GRM7: variants seen among roughly 807,000 people sequenced by gnomAD.
The protein encoded by GRM7 is glutamate metabotropic receptor 7.
In GRM7, 35 loss-of-function variants were observed where a neutral mutation model predicts 84.5. That is an observed-to-expected ratio of 0.41 (90% CI 0.32 to 0.55). The LOEUF (loss-of-function observed/expected upper bound fraction) is 0.55. Ranked by LOEUF, GRM7 falls within the 20% of genes least tolerant of loss-of-function variation. The pLI is 0.19. For missense variants in GRM7, 1,003 were observed against 1,194.6 expected, an observed-to-expected ratio of 0.84 and a Z score of 2.36; for synonymous variants, 487 against 455.1, an observed-to-expected ratio of 1.07 and a Z score of -0.89.
Position 6,861,663 on chromosome 3 carries a change from A to T in GRM7, c.275A>T (p.Asp92Val). ...TACGCCCTGGACCAGATCAACAGTG[A>T]TCCCAACCTACTGCCCAACGTGACG... is the stretch of plus-strand genomic sequence containing the variant. ...MLYALDQINS[D>V]PNLLPNVTLG... The change falls in exon 1 of 10, where the codon GAT becomes GTT. Residue 92 changes from aspartate to valine, a missense_variant. Around this residue, in one of 2 missense-constraint regions of GRM7, gnomAD observed 910 missense variants for 1,126.0 expected, o/e 0.81. Coordinates refer to ENST00000357716, the MANE Select transcript of GRM7 (RefSeq NM_000844.4). The surrounding 1 kb of genome is among the most constrained non-coding windows in gnomAD (Gnocchi z 6.4). 6.2e-7 allele frequency: 1 copy of T among 1,613,992 alleles called. No homozygotes were observed. Among genetic ancestry groups the T allele is most frequent in the Non-Finnish European group, 8.5e-7 (1 of 1,179,980 alleles).
intron 1 of GRM7, among the ~76,000 whole-genome samples, chr3:7,143,011 T>C (rs1693999314): frequency 6.6e-6 from 1 of 152,178 alleles, no homozygotes; most frequent in Non-Finnish European, 1.5e-5. Context: ...ATGGAATCTC[T>C]CTTTTTATAT....
At chr3:7,439,564 C>G (rs1261508613) in intron 5 of GRM7, among the ~76,000 whole-genome samples, 1 of 152,102 alleles carries the variant, frequency 6.6e-6, no homozygotes, top group African/African-American at 2.4e-5. Flanking sequence ...TGGTAAAATC[C>G]CAGACCCTTC....
chr3:7,696,142 C>T (rs1701007587), intron 9 of GRM7, among the ~76,000 whole-genome samples: 1 of 152,074 alleles, frequency 6.6e-6, no homozygotes, highest in East Asian at 1.9e-4. Context: ...CTTAATACTC[C>T]CCATTGCTTA....
At chr3:7,094,367 T>C (rs1698779263) in intron 1 of GRM7, among the ~76,000 whole-genome samples, 1 of 152,226 alleles carries the variant, frequency 6.6e-6, no homozygotes, top group Admixed American at 6.5e-5. Flanking sequence ...ACAATATCAT[T>C]TCACATGGGA....
At chr3:7,382,677 G>GA (rs1195462127) in intron 4 of GRM7, among the ~76,000 whole-genome samples, 4 of 152,046 alleles carry the variant, frequency 2.6e-5, no homozygotes, top group African/African-American at 9.7e-5. Context: ...GGATTGAAAG[G>GA]AAAAAAATAA....
chr3:7,680,022 T>C (rs777454895), intron 8 of GRM7, 27 bp from the exon 9 acceptor site: 6 of 1,611,722 alleles, frequency 3.7e-6, no homozygotes, highest in African/African-American at 2.7e-5. Context: ...TTATTTGTAA[T>C]AGTGCCTTGT....
chr3:7,077,621 A>G (rs1223646385), intron 1 of GRM7, among the ~76,000 whole-genome samples: 2 of 152,130 alleles, frequency 1.3e-5, no homozygotes, highest in Non-Finnish European at 2.9e-5. Context: ...TACCTAGTGT[A>G]GATGATGGGT....
chr3:7,281,328 T>C (rs1225813070), intron 2 of GRM7, among the ~76,000 whole-genome samples: 2 of 152,190 alleles, frequency 1.3e-5, no homozygotes, highest in African/African-American at 2.4e-5. Flanking sequence ...TGTGATTACA[T>C]TGAGAATATT....
intron 1 of GRM7, among the ~76,000 whole-genome samples, chr3:6,951,696 G>A (rs972092223): frequency 1.3e-5 from 2 of 152,126 alleles, no homozygotes; most frequent in Admixed American, 1.3e-4. Context: ...CTTGGTAAAT[G>A]TTCCAAGTCC....
chr3:7,562,802 CAGTACACT>C (rs1427013080), intron 7 of GRM7, among the ~76,000 whole-genome samples: 9 of 152,210 alleles, frequency 5.9e-5, no homozygotes, highest in South Asian at 2.1e-4. Flanking sequence ...TCAAAGTCTT[CAGTACACT>C]AATACGCATC....
chr3:6,939,435 TAA>T (rs151251266), intron 1 of GRM7, among the ~76,000 whole-genome samples: 40 of 146,938 alleles, frequency 2.7e-4, no homozygotes, highest in African/African-American at 9.7e-4. Context: ...AAATCTGGAT[TAA>T]AAAAAAAAAA....
At chr3:7,438,432 C>A (rs1189303271) in intron 5 of GRM7, among the ~76,000 whole-genome samples, 1 of 151,878 alleles carries the variant, frequency 6.6e-6, no homozygotes, top group Non-Finnish European at 1.5e-5. Context: ...AGAATCCAAG[C>A]AGAAATGATG....
At chr3:7,566,802 G>C (rs537097209) in intron 7 of GRM7, among the ~76,000 whole-genome samples, 2 of 152,086 alleles carry the variant, frequency 1.3e-5, no homozygotes, top group African/African-American at 4.8e-5. Context: ...TCTTCCAGGG[G>C]GAAAAAAAAA....
At chr3:7,248,136 T>C (rs1387737014) in intron 2 of GRM7, among the ~76,000 whole-genome samples, 1 of 152,208 alleles carries the variant, frequency 6.6e-6, no homozygotes, top group Non-Finnish European at 1.5e-5. Flanking sequence ...TTTAAAATAA[T>C]GAAAGCATGT....
chr3:7,643,678 G>T (rs752376326), intron 8 of GRM7, among the ~76,000 whole-genome samples: 147 of 151,916 alleles, frequency 9.7e-4, no homozygotes, highest in Non-Finnish European at 1.9e-3. Flanking sequence ...GTGTGGCAGG[G>T]GTCAGAGACA....
At chr3:7,070,461 T>G (rs1308306776) in intron 1 of GRM7, among the ~76,000 whole-genome samples, 4 of 152,128 alleles carry the variant, frequency 2.6e-5, no homozygotes, top group Non-Finnish European at 5.9e-5. Context: ...CCTAATAAAC[T>G]TATTTTTATT....
intron 5 of GRM7, among the ~76,000 whole-genome samples, chr3:7,443,933 C>G (rs945204196): frequency 5.9e-5 from 9 of 152,138 alleles, no homozygotes; most frequent in Admixed American, 2.0e-4. Context: ...GTATGCAATG[C>G]CATTTTCCAA....
At chr3:7,408,848 A>C (rs1410534445) in intron 4 of GRM7, among the ~76,000 whole-genome samples, 1 of 152,222 alleles carries the variant, frequency 6.6e-6, no homozygotes, top group African/African-American at 2.4e-5. Context: ...GAATCCATGC[A>C]GTGCTTCCTC....
chr3:7,293,143 A>G (rs777347485), intron 2 of GRM7, among the ~76,000 whole-genome samples: 2 of 152,086 alleles, frequency 1.3e-5, no homozygotes, highest in Non-Finnish European at 2.9e-5. Context: ...TGCATTGTGT[A>G]TCAGCTCTCT....
Sources: allele counts gnomAD v4.1 joint callset (sites outside exome capture counted in the v4.1 genomes callset), GRCh38; gene constraint gnomAD v4.1.1; regional missense constraint gnomAD v4.1.1; non-coding constraint Gnocchi (gnomAD v3.1); transcripts MANE v1.5; gene names NCBI Gene and HGNC (gene_info 2026-07-23, HGNC 2026-07-21).